TAPT1: variants seen among roughly 807,000 people sequenced by gnomAD.
TAPT1 encodes the protein transmembrane anterior posterior transformation protein 1 homolog.
TAPT1 carries 28 observed loss-of-function variants against 65.6 expected under a neutral mutation model. That is an observed-to-expected ratio of 0.43 (90% CI 0.32 to 0.59). TAPT1 has a LOEUF of 0.59. Ranked by LOEUF, TAPT1 falls within the 20% of genes least tolerant of loss-of-function variation. The pLI is 0.09. For synonymous variants in TAPT1, 278 were observed against 245.2 expected (o/e 1.13, Z -1.25); for missense variants, 563 against 679.9 (o/e 0.83, Z 1.91).
Position 16,165,569 on chromosome 4 carries a change from C to CA in TAPT1, c.1474+1063dup, listed in dbSNP as rs75616266. Among the ~76,000 whole-genome samples the CA allele has an allele frequency of 9.1e-3, 843 of 92,312 alleles. 4 individuals carry two copies. The highest frequency in any genetic ancestry group is 0.052 in the Middle Eastern group (8 of 154). The allele number at this position is 92,312 out of a possible 152,430, so 60.6% of individuals were successfully genotyped here. ...TGGGCGACGGAGCAAAACTCCGTCT[C>CA]AAAAAAAAAAAAAAAAATACATCAT... On this transcript the variant is annotated intron_variant, in intron 13 of 13. Transcript: ENST00000405303.
chr4:16,215,119 T>C (rs1050198594), intron 1 of TAPT1, among the ~76,000 whole-genome samples: 1 of 151,874 alleles, frequency 6.6e-6, no homozygotes, highest in Non-Finnish European at 1.5e-5. Context: ...GTGAAACCTA[T>C]CTACTAAAAG....
intron 4 of TAPT1, 25 bp from the exon 5 acceptor site, chr4:16,188,380 A>C: frequency 6.7e-7 from 1 of 1,496,598 alleles, no homozygotes; most frequent in Non-Finnish European, 9.0e-7. Flanking sequence ...TATTTGTAAG[A>C]TGTTTCTTAA....
At chr4:16,179,826 G>GTA (rs35704521) in intron 7 of TAPT1, among the ~76,000 whole-genome samples, 169 bp from the exon 8 acceptor site, 1 of 136,044 alleles carries the variant, frequency 7.4e-6, no homozygotes, top group Non-Finnish European at 1.6e-5. Context: ...GTGTGTGTGT[G>GTA]TATATATAGG....
At chr4:16,225,959 C>T in intron 1 of TAPT1, 4 of 992,420 alleles carry the variant, frequency 4.0e-6, no homozygotes, top group Non-Finnish European at 3.6e-6. Flanking sequence ...AACCTAAGAC[C>T]TTCCGAGGGC....
intron 2 of TAPT1, among the ~76,000 whole-genome samples, chr4:16,205,729 A>G (rs1390308087): frequency 6.6e-6 from 1 of 152,024 alleles, no homozygotes; most frequent in Non-Finnish European, 1.5e-5. Flanking sequence ...ATTTCAAACC[A>G]AGGAAAGAGC....
Position 16,219,253 on chromosome 4 carries a change from T to G in TAPT1, c.200-5355A>C, listed in dbSNP as rs1015509608. On this transcript the variant is annotated intron_variant, in intron 1 of 13. Coordinates refer to ENST00000405303, the MANE Select transcript of TAPT1 (RefSeq NM_153365.3). ...CTTTTCACCATTAGATAGCTTTGCCTATTATTGCCTCAAGTGCCTTTGTAA... is the reference window on the plus strand; with the variant it reads ...CTTTTCACCATTAGATAGCTTTGCCGATTATTGCCTCAAGTGCCTTTGTAA... Among the ~76,000 whole-genome samples the G allele has an allele frequency of 2.0e-5, 3 of 152,216 alleles. No homozygotes were observed. The East Asian group carries it at 5.8e-4, about 29-fold the overall frequency.
chr4:16,225,137 T>C (rs1303403104), intron 1 of TAPT1, among the ~76,000 whole-genome samples: 2 of 152,240 alleles, frequency 1.3e-5, no homozygotes, highest in East Asian at 3.8e-4. Context: ...AAGTGGTTAA[T>C]TGAAAAAGAC....
At position 16,202,456 on chromosome 4, in the gene TAPT1, A is replaced by G. The variant is rs1473156967; in HGVS notation, c.449+6T>C. 1 of 1,475,632 alleles carries G rather than the reference A, an allele frequency of 6.8e-7. No homozygotes were observed. The highest frequency in any genetic ancestry group is 9.3e-7 in the Non-Finnish European group (1 of 1,079,264). 91.4% of individuals were successfully genotyped at this position (1,475,632 alleles called of 1,614,324 possible). A position where few individuals can be genotyped will look rare whatever the true frequency, so the allele number is the denominator to read the frequency against. On this transcript the variant is annotated splice_donor_region_variant and intron_variant, in intron 3 of 13. Transcript: ENST00000405303. ...CATTTACAATAGTTAACGATCTTAAACTTACCTTAAGCCATAGCAAGGCAA... is the reference window on the plus strand; with the variant it reads ...CATTTACAATAGTTAACGATCTTAAGCTTACCTTAAGCCATAGCAAGGCAA...
chr4:16,189,861 T>C (rs1052877195), intron 4 of TAPT1, among the ~76,000 whole-genome samples: 12 of 152,206 alleles, frequency 7.9e-5, no homozygotes, highest in African/African-American at 2.9e-4. Flanking sequence ...ACCCTCGCAC[T>C]TTCCAGTGTC....
chr4:16,161,904 ACAT>A lies in TAPT1; in HGVS notation c.*1401_*1403del, dbSNP rs1229375215. On this transcript the variant is annotated 3_prime_UTR_variant, in exon 14 of 14. Coordinates refer to ENST00000405303, the MANE Select transcript of TAPT1 (RefSeq NM_153365.3). ...ATGAGAGCTAAACTTCAAAATCAAA[ACAT>A]CAAAGGAAATAACAGTTAACAGTAC... is the stretch of plus-strand genomic sequence containing the variant. 6.6e-6 allele frequency: 1 copy of A among 152,214 alleles called. No individual in the cohort carries two copies. Among genetic ancestry groups the A allele is most frequent in the East Asian group, 1.9e-4 (1 of 5,200 alleles). The allele number at this position is 152,214 out of a possible 1,614,324, so 9.4% of individuals were successfully genotyped here. A position where few individuals can be genotyped will look rare whatever the true frequency, so the allele number is the denominator to read the frequency against.
chr4:16,196,263 T>A (rs1252309690), intron 3 of TAPT1, among the ~76,000 whole-genome samples: 1 of 152,214 alleles, frequency 6.6e-6, no homozygotes, highest in African/African-American at 2.4e-5. Context: ...TAAACTTTAA[T>A]TTCAAACTAT....
At chr4:16,225,363 G>A (rs1751489196) in intron 1 of TAPT1, among the ~76,000 whole-genome samples, 1 of 152,152 alleles carries the variant, frequency 6.6e-6, no homozygotes, top group African/African-American at 2.4e-5. Context: ...GGCTAACACA[G>A]CCCCTTTTGG....
chr4:16,212,564 G>A (rs1750705422), intron 2 of TAPT1, among the ~76,000 whole-genome samples: 1 of 152,192 alleles, frequency 6.6e-6, no homozygotes. Context: ...CTGCGCTGGA[G>A]AGGAGTGCTG....
intron 8 of TAPT1, 118 bp from the exon 9 acceptor site, chr4:16,176,346 T>A (rs1748322973): frequency 1.7e-6 from 1 of 575,340 alleles, no homozygotes; most frequent in African/African-American, 1.9e-5. Context: ...CAGTAAATGA[T>A]GAACTAGCAT....
rs1750851249 is a variant in TAPT1 at position 16,214,977 on chromosome 4, AG to A, written c.200-1080del. ...TACTATGATCTAAAGCCTACATGTGAGGGGGGAAGCGTTTATAGTAAAAAAT... is the reference window on the plus strand; with the variant it reads ...TACTATGATCTAAAGCCTACATGTGAGGGGGAAGCGTTTATAGTAAAAAAT... On this transcript the variant is annotated intron_variant, in intron 1 of 13. Coordinates refer to ENST00000405303, the MANE Select transcript of TAPT1 (RefSeq NM_153365.3). Among the ~76,000 whole-genome samples the A allele has an allele frequency of 3.9e-5, 6 of 152,164 alleles. No individual in the cohort carries two copies. The South Asian group carries it at 1.0e-3, about 26-fold the overall frequency.
At chr4:16,182,083 T>G (rs1560161866) in intron 7 of TAPT1, among the ~76,000 whole-genome samples, 1 of 152,200 alleles carries the variant, frequency 6.6e-6, no homozygotes, top group Non-Finnish European at 1.5e-5. Flanking sequence ...GGCTGTTATG[T>G]GAAGATTTTT....
chr4:16,221,101 C>T (rs28757814), intron 1 of TAPT1, among the ~76,000 whole-genome samples: 12,688 of 149,382 alleles, frequency 0.085, 1,674 homozygotes, highest in African/African-American at 0.28. Flanking sequence ...TCCTCCAGCA[C>T]ATACGTACAT....
chr4:16,208,477 T>C (rs1578470859), intron 2 of TAPT1, among the ~76,000 whole-genome samples: 1 of 152,226 alleles, frequency 6.6e-6, no homozygotes, highest in African/African-American at 2.4e-5. Context: ...AATCTTTCAA[T>C]CTTTATAAAA....
rs317855 is a variant in TAPT1 at position 16,160,851 on chromosome 4, C to A, written c.*2457G>T. On this transcript the variant is annotated 3_prime_UTR_variant, in exon 14 of 14. Transcript: ENST00000405303. ...AGCAAGTTTCTTTCACTTTATGTAA[C>A]ATGAATATAAACTCTAAATACTGGC... 0.47 allele frequency: 71,989 copies of A among 152,560 alleles called. 18,239 individuals are homozygous for A. The highest frequency in any genetic ancestry group is 0.66 in the African/African-American group (27,526 of 41,480). The allele number at this position is 152,560 out of a possible 1,614,324, so 9.5% of individuals were successfully genotyped here.
Sources: allele counts gnomAD v4.1 joint callset (sites outside exome capture counted in the v4.1 genomes callset), GRCh38; gene constraint gnomAD v4.1.1; transcripts MANE v1.5; gene names NCBI Gene and HGNC (gene_info 2026-07-23, HGNC 2026-07-21).